Variants in PCDHA6 observed in about 807,000 individuals in gnomAD.
PCDHA6 encodes protocadherin alpha 6, also known as protocadherin alpha-6.
In PCDHA6, 55 loss-of-function variants were observed where a neutral mutation model predicts 60.3. The observed-to-expected ratio is 0.91, with a 90% CI of 0.73 to 1.14. The LOEUF (loss-of-function observed/expected upper bound fraction) is 1.14, where lower values mean the gene tolerates loss of function less well. Ranked by LOEUF, PCDHA6 falls within the 50% of genes most tolerant of loss-of-function variation. The pLI, the probability that PCDHA6 is intolerant of heterozygous loss-of-function variation, is 0.00. For missense variants in PCDHA6, 1,327 were observed against 1,256.5 expected (o/e 1.06, Z -0.85); for synonymous variants, 652 against 557.9 (o/e 1.17, Z -2.38).
intron 1 of PCDHA6, among the ~76,000 whole-genome samples, chr5:140,938,050 A>G (rs1169641392): frequency 6.6e-6 from 1 of 152,116 alleles, no homozygotes; most frequent in African/African-American, 2.4e-5. Context: ...TGGGTTTTCT[A>G]CATATACTGT....
At chr5:140,864,304 A>G (rs2048411725) in intron 1 of PCDHA6, 1 of 152,230 alleles carries the variant, frequency 6.6e-6, no homozygotes, top group East Asian at 1.9e-4. Flanking sequence ...CAAAAATACC[A>G]TGACAATATT....
At chr5:140,922,336 A>G (rs1554200779) in intron 1 of PCDHA6, among the ~76,000 whole-genome samples, 2 of 152,226 alleles carry the variant, frequency 1.3e-5, no homozygotes, top group African/African-American at 4.8e-5. Context: ...GGGTTGGTAT[A>G]TTGGTATTTT....
intron 1 of PCDHA6, among the ~76,000 whole-genome samples, chr5:140,911,064 T>C (rs2153516956): frequency 6.6e-6 from 1 of 152,226 alleles, no homozygotes; most frequent in African/African-American, 2.4e-5. Flanking sequence ...GGGTGGGTCC[T>C]GAGGAGAATC....
intron 1 of PCDHA6, among the ~76,000 whole-genome samples, chr5:140,874,104 A>G (rs251376): frequency 0.45 from 68,940 of 152,128 alleles, 15,928 homozygotes; most frequent in South Asian, 0.58. Context: ...GTTTTTAATT[A>G]CTTAACGTTT....
intron 1 of PCDHA6, chr5:140,869,653 A>G: frequency 6.2e-7 from 1 of 1,613,586 alleles, no homozygotes. Flanking sequence ...AGATTCACCA[A>G]CAAATGGTAA....
intron 1 of PCDHA6, chr5:140,882,534 G>A (rs1554174427): frequency 8.7e-6 from 14 of 1,614,086 alleles, no homozygotes; most frequent in Non-Finnish European, 1.1e-5. Flanking sequence ...GTGAATTCTC[G>A]GATCGACCGC....
chr5:141,011,509 G>C lies in PCDHA6; in HGVS notation c.*1572G>C, dbSNP rs2098420853. ...TTTTGTACACCTGTGAAAAAGTGGA[G>C]TAGTGTTTTTTTAACCATTGTTAAT... is the stretch of plus-strand genomic sequence containing the variant. On this transcript the variant is annotated 3_prime_UTR_variant, in exon 4 of 4. Coordinates refer to ENST00000529310, the MANE Select transcript of PCDHA6 (RefSeq NM_018909.4). The C allele has an allele frequency of 6.5e-6, 1 of 153,760 alleles. No individual in the cohort carries two copies. The highest frequency in any genetic ancestry group is 1.5e-5 in the Non-Finnish European group (1 of 68,040). The allele number at this position is 153,760 out of a possible 1,614,324, so 9.5% of individuals were successfully genotyped here.
At chr5:140,877,498 C>G in intron 1 of PCDHA6, 1 of 1,613,844 alleles carries the variant, frequency 6.2e-7, no homozygotes, top group Non-Finnish European at 8.5e-7. Context: ...CGGCCAGGCC[C>G]CAAAGACGTC....
Position 140,850,710 on chromosome 5 carries a change from C to G in PCDHA6, c.2394+20225C>G, listed in dbSNP as rs2150495455. ...CGAGTGCGCGCCTGGCAAGCCGACG[C>G]TGGTGTGTTCTAGCGCGGTGGGGAG... On this transcript the variant is annotated intron_variant, in intron 1 of 3. Coordinates refer to ENST00000529310, the MANE Select transcript of PCDHA6 (RefSeq NM_018909.4). 14 of 1,598,036 alleles carry G rather than the reference C, an allele frequency of 8.8e-6. 1 individual carries two copies. Among genetic ancestry groups the G allele is most frequent in the Non-Finnish European group, 1.2e-5 (14 of 1,167,676 alleles).
intron 1 of PCDHA6, among the ~76,000 whole-genome samples, chr5:140,950,286 C>G (rs2094469059): frequency 6.6e-6 from 1 of 151,924 alleles, no homozygotes; most frequent in Non-Finnish European, 1.5e-5. Flanking sequence ...TTGCTTCAAC[C>G]TGAAAAACTT....
intron 1 of PCDHA6, chr5:140,859,420 CT>C (rs2045858037): frequency 8.6e-6 from 2 of 233,034 alleles, no homozygotes; most frequent in Non-Finnish European, 8.1e-6. Context: ...ATGATATAGA[CT>C]CAGAAATGAA....
intron 1 of PCDHA6, chr5:140,859,530 T>G (rs535138857): frequency 5.6e-4 from 108 of 191,500 alleles, no homozygotes; most frequent in Non-Finnish European, 9.8e-4. Context: ...TAAAAAAAAT[T>G]TATTAATTCT....
intron 1 of PCDHA6, chr5:140,877,083 G>T: frequency 6.2e-7 from 1 of 1,613,166 alleles, no homozygotes; most frequent in Non-Finnish European, 8.5e-7. Context: ...AGGTGAGCGC[G>T]CGCGACGCCG....
intron 1 of PCDHA6, chr5:140,968,853 A>G (rs782470050): frequency 3.7e-6 from 6 of 1,614,108 alleles, no homozygotes; most frequent in Non-Finnish European, 4.2e-6. Context: ...AGGCATGTTA[A>G]GAGCCCTCGG....
At chr5:140,936,762 G>A (rs190223178) in intron 1 of PCDHA6, among the ~76,000 whole-genome samples, 224 of 152,210 alleles carry the variant, frequency 1.5e-3, no homozygotes, top group Non-Finnish European at 2.6e-3. Context: ...ATATCTAATT[G>A]TGTAAGTTCT....
intron 1 of PCDHA6, among the ~76,000 whole-genome samples, chr5:140,917,324 C>CG (rs1299895515): frequency 0.012 from 918 of 74,422 alleles, 22 homozygotes; most frequent in East Asian, 0.019. Flanking sequence ...GTTCATGTGG[C>CG]GGGGGAGGGG....
Position 140,830,490 on chromosome 5 carries a change from G to A in PCDHA6, c.2394+5G>A. 2 of 1,489,110 alleles carry A rather than the reference G, an allele frequency of 1.3e-6. No individual in the cohort carries two copies. The highest frequency in any genetic ancestry group is 1.8e-6 in the Non-Finnish European group (2 of 1,113,486). 92.2% of individuals were successfully genotyped at this position (1,489,110 alleles called of 1,614,324 possible). On this transcript the variant is annotated splice_donor_5th_base_variant and intron_variant, in intron 1 of 3. Transcript: ENST00000529310. ...AATGAAGATCATGATGCCAAAGTAA[G>A]TGAATTTTCATAATTAACAGTTAAT...
chr5:140,874,215 G>A (rs2054781939), intron 1 of PCDHA6, among the ~76,000 whole-genome samples: 1 of 152,180 alleles, frequency 6.6e-6, no homozygotes, highest in Non-Finnish European at 1.5e-5. Context: ...ATTATTATAT[G>A]CAGTAGGAAT....
intron 1 of PCDHA6, chr5:140,926,832 G>C: frequency 6.6e-7 from 1 of 1,505,338 alleles, no homozygotes; most frequent in Non-Finnish European, 8.9e-7. Context: ...GGAGTCCGGA[G>C]CATGGTCCTG....
Sources: gnomAD v4.1 joint callset for allele counts (sites outside exome capture counted in the v4.1 genomes callset) on GRCh38, gnomAD v4.1.1 for gene constraint, MANE v1.5 for transcripts, NCBI Gene and HGNC (gene_info 2026-07-23, HGNC 2026-07-21) for gene names.